The following SMG7 variants were observed in gnomAD, a reference collection of about 807,000 sequenced individuals.
The protein encoded by SMG7 is SMG7 nonsense mediated mRNA decay factor, also known as nonsense-mediated mRNA decay factor SMG7.
Under a neutral mutation model 148.2 loss-of-function variants are expected in SMG7, and 34 were observed. That is an observed-to-expected ratio of 0.23 (90% CI 0.17 to 0.31). SMG7 has a LOEUF of 0.31. SMG7 is among the 10% of genes least tolerant of loss of function. SMG7 has a pLI of 1.00. For synonymous variants in SMG7, 492 were observed against 515.1 expected (o/e 0.96, Z 0.61); for missense variants, 1,114 against 1,408.4 (o/e 0.79, Z 3.35).
At chr1:183,493,048 G>A (rs1202363304) in intron 1 of SMG7, among the ~76,000 whole-genome samples, 4 of 152,040 alleles carry the variant, frequency 2.6e-5, no homozygotes, top group South Asian at 4.1e-4. Context: ...AATTCACTGC[G>A]ACTTCAAACT....
intron 1 of SMG7, among the ~76,000 whole-genome samples, chr1:183,491,538 C>T (rs1258269140): frequency 6.6e-6 from 1 of 152,086 alleles, no homozygotes; most frequent in Non-Finnish European, 1.5e-5. Context: ...CACTCGGGTA[C>T]ATACATATGT....
Position 183,486,994 on chromosome 1 carries a change from A to T in SMG7, c.29+14345A>T, listed in dbSNP as rs141429239. Among the ~76,000 whole-genome samples the T allele has an allele frequency of 1.6e-3, 238 of 152,354 alleles. 1 individual carries two copies. The highest frequency in any genetic ancestry group is 5.5e-3 in the African/African-American group (227 of 41,584). ...GAATACAGGAGTTTATTAGGTTTTT[A>T]GTTGCAAGGAACAGAAAAAACACTG... On this transcript the variant is annotated intron_variant, in intron 1 of 22. Coordinates refer to ENST00000688051, the MANE Select transcript of SMG7 (RefSeq NM_001375584.1).
Position 183,472,615 on chromosome 1 carries a change from C to T in SMG7, c.-6C>T, listed in dbSNP as rs899299416. The T allele has an allele frequency of 2.1e-6, 3 of 1,444,390 alleles. No individual in the cohort carries two copies. Among genetic ancestry groups the T allele is most frequent in the Non-Finnish European group, 2.8e-6 (3 of 1,086,720 alleles). The allele number at this position is 1,444,390 out of a possible 1,614,324, so 89.5% of individuals were successfully genotyped here. A position where few individuals can be genotyped will look rare whatever the true frequency, so the allele number is the denominator to read the frequency against. On this transcript the variant is annotated 5_prime_UTR_variant, in exon 1 of 23. Coordinates refer to ENST00000688051, the MANE Select transcript of SMG7 (RefSeq NM_001375584.1). The stretch of plus-strand genomic sequence containing the variant: ...TCGCGGGAAGACGCGGCGGCGGCGG[C>T]GGAGGATGAGCCTGCAGAGCGCGCA...
At chr1:183,506,399 A>G (rs185782826) in intron 1 of SMG7, among the ~76,000 whole-genome samples, 1 of 152,252 alleles carries the variant, frequency 6.6e-6, no homozygotes, top group Admixed American at 6.5e-5. Context: ...TCCAAATGAC[A>G]TTCAACAGTA....
chr1:183,553,483 A>G lies in SMG7; in HGVS notation c.*1552A>G. On this transcript the variant is annotated 3_prime_UTR_variant, in exon 23 of 23. Coordinates refer to ENST00000688051, the MANE Select transcript of SMG7 (RefSeq NM_001375584.1). Reference sequence around the variant, plus strand: ...GTGTATGGAGTTAGTGTGGAACTTAAGAGCTGGAAGACAGCTGTAGAGCAA... The same window carrying G: ...GTGTATGGAGTTAGTGTGGAACTTAGGAGCTGGAAGACAGCTGTAGAGCAA... 1 of 362,126 alleles carries G rather than the reference A, an allele frequency of 2.8e-6. No homozygotes were observed. Among genetic ancestry groups the G allele is most frequent in the South Asian group, 3.0e-5 (1 of 33,864 alleles). The allele number at this position is 362,126 out of a possible 1,614,324, so 22.4% of individuals were successfully genotyped here.
chr1:183,505,210 T>A (rs1026941082), intron 1 of SMG7, among the ~76,000 whole-genome samples: 1 of 152,138 alleles, frequency 6.6e-6, no homozygotes, highest in African/African-American at 2.4e-5. Flanking sequence ...AACTTCTCCC[T>A]CTTATTTGTT....
chr1:183,520,583 G>A (rs978676232), intron 4 of SMG7, among the ~76,000 whole-genome samples: 2 of 152,108 alleles, frequency 1.3e-5, no homozygotes, highest in Admixed American at 6.5e-5. Flanking sequence ...GAGTAGGAAG[G>A]AGGTGGTGCA....
In SMG7 at chr1:183,553,420, C is replaced by T; in HGVS notation, c.*1489C>T. The T allele has an allele frequency of 1.9e-6, 1 of 534,836 alleles. No homozygotes were observed. Among genetic ancestry groups the T allele is most frequent in the Non-Finnish European group, 3.3e-6 (1 of 300,620 alleles). 33.1% of individuals were successfully genotyped at this position (534,836 alleles called of 1,614,324 possible). A position where few individuals can be genotyped will look rare whatever the true frequency, so the allele number is the denominator to read the frequency against. On this transcript the variant is annotated 3_prime_UTR_variant, in exon 23 of 23. Coordinates refer to ENST00000688051, the MANE Select transcript of SMG7 (RefSeq NM_001375584.1). Reference sequence around the variant, plus strand: ...TGTATGTTTGTGTACACACACGTGCCCATCTGCTGTCCCAGAGGGGAGGGG... The same window carrying T: ...TGTATGTTTGTGTACACACACGTGCTCATCTGCTGTCCCAGAGGGGAGGGG...
intron 13 of SMG7, 72 bp downstream of exon 13, chr1:183,541,175 C>CATGT: frequency 1.5e-6 from 2 of 1,308,274 alleles, no homozygotes; most frequent in Non-Finnish European, 2.2e-6. Context: ...CACACGCGCG[C>CATGT]GCACACACAC....
intron 13 of SMG7, among the ~76,000 whole-genome samples, chr1:183,541,642 A>G (rs1668884080): frequency 6.6e-6 from 1 of 152,230 alleles, no homozygotes; most frequent in African/African-American, 2.4e-5. Context: ...TTCCAAAGTC[A>G]CTAACTACTT....
rs1666360036 is a variant in SMG7, at chr1:183,528,798, A to G, written c.557-94A>G. 46 of 1,100,108 alleles carry G rather than the reference A, an allele frequency of 4.2e-5. No homozygotes were observed. In the East Asian group the frequency reaches 1.1e-3, roughly 26 times the overall value. The allele number at this position is 1,100,108 out of a possible 1,614,324, so 68.1% of individuals were successfully genotyped here. A position where few individuals can be genotyped will look rare whatever the true frequency, so the allele number is the denominator to read the frequency against. On this transcript the variant is annotated intron_variant, in intron 6 of 22. Coordinates refer to ENST00000688051, the MANE Select transcript of SMG7 (RefSeq NM_001375584.1). ...TATTTACCTTATAAAAATACTCCCC[A>G]TTGTTTGAGTATTTAAACACTGATC...
chr1:183,492,267 A>G (rs1364504056), intron 1 of SMG7, among the ~76,000 whole-genome samples: 1 of 152,158 alleles, frequency 6.6e-6, no homozygotes, highest in Non-Finnish European at 1.5e-5. Context: ...TTCCAGCATC[A>G]CTTGTTGAGA....
chr1:183,489,027 A>C (rs189245985), intron 1 of SMG7, among the ~76,000 whole-genome samples: 1 of 151,988 alleles, frequency 6.6e-6, no homozygotes, highest in Non-Finnish European at 1.5e-5. Flanking sequence ...TCTTTTTGAT[A>C]TAGTTCATGA....
intron 22 of SMG7, 21 bp downstream of exon 22, chr1:183,551,211 A>G (rs767445880): frequency 1.3e-6 from 2 of 1,551,026 alleles, no homozygotes; most frequent in South Asian, 1.3e-5. Context: ...TTCAGGAACA[A>G]GAACCACAAG....
intron 1 of SMG7, among the ~76,000 whole-genome samples, chr1:183,496,559 C>T (rs1324170917): frequency 1.3e-5 from 2 of 152,248 alleles, no homozygotes; most frequent in East Asian, 3.9e-4. Flanking sequence ...AGTTCTCAGG[C>T]CTCATTTTAC....
chr1:183,503,724 A>G (rs769757323), intron 1 of SMG7, among the ~76,000 whole-genome samples: 1 of 152,214 alleles, frequency 6.6e-6, no homozygotes, highest in Non-Finnish European at 1.5e-5. Context: ...TGTCACAATC[A>G]GATTACCCCT....
At chr1:183,494,175 ACTGT>A (rs1199385936) in intron 1 of SMG7, among the ~76,000 whole-genome samples, 2 of 151,600 alleles carry the variant, frequency 1.3e-5, no homozygotes, top group African/African-American at 4.8e-5. Context: ...TGTTTTATGA[ACTGT>A]CTTACTCTTT....
chr1:183,482,309 T>TA (rs1557945492), intron 1 of SMG7, among the ~76,000 whole-genome samples: 1 of 152,100 alleles, frequency 6.6e-6, no homozygotes, highest in African/African-American at 2.4e-5. Context: ...TGGTGTGTGT[T>TA]ATGCACATTC....
chr1:183,522,765 AGTTTTTT>A (rs1665027172), intron 4 of SMG7, among the ~76,000 whole-genome samples: 2 of 151,598 alleles, frequency 1.3e-5, no homozygotes, highest in African/African-American at 4.8e-5. Context: ...CTGTGAAGAT[AGTTTTTT>A]AGTTTTTTGT....
Sources: gnomAD v4.1 joint callset for allele counts (sites outside exome capture counted in the v4.1 genomes callset) on GRCh38, gnomAD v4.1.1 for gene constraint, MANE v1.5 for transcripts, NCBI Gene and HGNC (gene_info 2026-07-23, HGNC 2026-07-21) for gene names.